Variants in NF1 observed in about 807,000 individuals in gnomAD.
The protein encoded by NF1 is neurofibromin 1, also known as neurofibromin.
In NF1, 122 loss-of-function variants were observed where a neutral mutation model predicts 325.7. The ratio of observed to expected loss-of-function variants is 0.37; its 90% CI spans 0.32 to 0.44. NF1 has a LOEUF of 0.44. Among genes scored for constraint, NF1 ranks in the 20% least tolerant of loss-of-function variants. The pLI, the probability that NF1 is intolerant of heterozygous loss-of-function variation, is 1.00. For missense variants in NF1, 2,140 were observed against 3,415.4 expected (o/e 0.63, Z 9.31); for synonymous variants, 1,091 against 1,186.0 (o/e 0.92, Z 1.65).
intron 57 of NF1, among the ~76,000 whole-genome samples, chr17:31,366,350 A>G (rs1230022067): frequency 6.6e-6 from 1 of 152,046 alleles, no homozygotes; most frequent in African/African-American, 2.4e-5. Context: ...GTTCATCGTT[A>G]CTTTAGACTC....
intron 52 of NF1, 142 bp from the exon 53 acceptor site, chr17:31,356,818 A>G: frequency 3.0e-6 from 4 of 1,326,250 alleles, no homozygotes; most frequent in Non-Finnish European, 4.2e-6. Flanking sequence ...TGTGTAGGCG[A>G]ATAGTAATTC....
chr17:31,189,531 G>T (rs1186285268), intron 8 of NF1, among the ~76,000 whole-genome samples: 1 of 151,966 alleles, frequency 6.6e-6, no homozygotes, highest in Non-Finnish European at 1.5e-5. Flanking sequence ...ATCACTCCCT[G>T]TTCCTCTCGC....
intron 48 of NF1, among the ~76,000 whole-genome samples, chr17:31,347,469 C>G (rs1031185093): frequency 6.6e-6 from 1 of 152,160 alleles, no homozygotes; most frequent in Non-Finnish European, 1.5e-5. Flanking sequence ...TTTTGTCATT[C>G]ATTATAACAT....
At chr17:31,241,242 T>C (rs1483616547) in intron 29 of NF1, among the ~76,000 whole-genome samples, 1 of 152,188 alleles carries the variant, frequency 6.6e-6, no homozygotes, top group Non-Finnish European at 1.5e-5. Flanking sequence ...GATGTCTGTT[T>C]CTTGTAGGCA....
At chr17:31,278,118 TA>T (rs2068042216) in intron 36 of NF1, 1 of 152,174 alleles carries the variant, frequency 6.6e-6, no homozygotes, top group African/African-American at 2.4e-5. Context: ...ACCTTGTCTC[TA>T]AAAAACAAAA....
intron 1 of NF1, among the ~76,000 whole-genome samples, chr17:31,143,968 C>A (rs1358979485): frequency 1.3e-5 from 2 of 151,924 alleles, no homozygotes; most frequent in Admixed American, 6.6e-5. Flanking sequence ...ACTACAGGCG[C>A]CTGCCACGAC....
Position 31,377,081 on chromosome 17 carries a change from C to T in NF1, c.*2926C>T, listed in dbSNP as rs1408513641. The T allele has an allele frequency of 8.6e-6, 2 of 233,628 alleles. No individual in the cohort carries two copies. The highest frequency in any genetic ancestry group is 1.2e-4 in the East Asian group (2 of 16,590). 14.5% of individuals were successfully genotyped at this position (233,628 alleles called of 1,614,324 possible). A position where few individuals can be genotyped will look rare whatever the true frequency, so the allele number is the denominator to read the frequency against. On this transcript the variant is annotated 3_prime_UTR_variant, in exon 58 of 58. Transcript: ENST00000358273. ...TTTTTGTTTTTTGTTTTTGTTTCTA[C>T]ATCCTTCCCCGACTCCCAGGCATAA...
At chr17:31,203,257 G>A (rs1299916426) in intron 11 of NF1, among the ~76,000 whole-genome samples, 1 of 152,072 alleles carries the variant, frequency 6.6e-6, no homozygotes, top group African/African-American at 2.4e-5. Context: ...CTGCATGTGT[G>A]GAGGGTGGAG....
chr17:31,225,305 G>A (rs2144028829), intron 17 of NF1, 55 bp downstream of exon 17: 2 of 1,595,024 alleles, frequency 1.3e-6, no homozygotes, highest in Non-Finnish European at 1.7e-6. Flanking sequence ...TTTGTTTTCT[G>A]AATGAAATTT....
intron 36 of NF1, among the ~76,000 whole-genome samples, chr17:31,287,395 C>T (rs1043746065): frequency 1.3e-5 from 2 of 152,214 alleles, no homozygotes; most frequent in Non-Finnish European, 2.9e-5. Flanking sequence ...AAAACACACA[C>T]CGTAGGTGAT....
Position 31,282,751 on chromosome 17 carries a change from C to T in NF1, c.4835+17412C>T, listed in dbSNP as rs868353829. ...TACAATATATAAGCGTTTGTGTGGACGTATGCATTCAGTTTTTTTAGATAC... is the reference window on the plus strand; with the variant it reads ...TACAATATATAAGCGTTTGTGTGGATGTATGCATTCAGTTTTTTTAGATAC... On this transcript the variant is annotated intron_variant, in intron 36 of 57. Transcript: ENST00000358273. Among the ~76,000 whole-genome samples, 5 of 152,172 alleles carry T rather than the reference C, an allele frequency of 3.3e-5. 1 individual carries two copies. The South Asian group carries it at 8.3e-4, about 25-fold the overall frequency.
chr17:31,338,739 C>G lies in NF1; in HGVS notation c.6855C>G (p.Tyr2285Ter), dbSNP rs772295894. The change falls in exon 46 of 58, where the codon TAC (tyrosine) becomes TAG (stop). Residue 2285 changes from tyrosine to a stop codon, truncating the protein, a stop_gained. Transcript: ENST00000358273. LOFTEE classifies it high-confidence loss of function. ...LESCLKGPDT[Y>*]NSQVLIEATV... ...GTTGCTTAAAAGGACCTGACACTTACAACAGTCAAGTTCTGATAGAAGCTA... is the reference window on the plus strand; with the variant it reads ...GTTGCTTAAAAGGACCTGACACTTAGAACAGTCAAGTTCTGATAGAAGCTA... 2 of 1,613,200 alleles carry G rather than the reference C, an allele frequency of 1.2e-6. No individual in the cohort carries two copies. Among genetic ancestry groups the G allele is most frequent in the South Asian group, 1.1e-5 (1 of 91,056 alleles).
intron 1 of NF1, among the ~76,000 whole-genome samples, chr17:31,126,505 G>C (rs17884014): frequency 6.6e-6 from 1 of 152,078 alleles, no homozygotes; most frequent in Non-Finnish European, 1.5e-5. Flanking sequence ...AAGTGCAATG[G>C]TGCAATCTTG....
intron 1 of NF1, among the ~76,000 whole-genome samples, chr17:31,143,426 C>G (rs907292610): frequency 6.6e-6 from 1 of 151,770 alleles, no homozygotes; most frequent in Non-Finnish European, 1.5e-5. Context: ...ACCACCACCC[C>G]CAGCTAATTT....
intron 29 of NF1, among the ~76,000 whole-genome samples, chr17:31,240,594 CTAG>C (rs2067279171): frequency 1.3e-5 from 2 of 152,044 alleles, no homozygotes; most frequent in South Asian, 4.2e-4. Context: ...CAGTATATAC[CTAG>C]TAGTGAGATT....
chr17:31,250,095 A>G (rs1377468885), intron 30 of NF1: 5 of 448,146 alleles, frequency 1.1e-5, no homozygotes, highest in Admixed American at 2.9e-5. Context: ...TTAAAGATGT[A>G]TCTGTTCTAT....
chr17:31,123,847 G>A (rs1024791826), intron 1 of NF1, among the ~76,000 whole-genome samples: 1 of 152,190 alleles, frequency 6.6e-6, no homozygotes, highest in Non-Finnish European at 1.5e-5. Flanking sequence ...ATAGTGGCAA[G>A]TAGCCTCCTA....
intron 17 of NF1, 78 bp downstream of exon 17, chr17:31,225,328 C>G (rs1455258875): frequency 6.7e-7 from 1 of 1,487,216 alleles, no homozygotes; most frequent in East Asian, 2.3e-5. Flanking sequence ...TAAATTTCAT[C>G]TAGGTAATAT....
At chr17:31,203,861 T>C (rs2066574675) in intron 11 of NF1, among the ~76,000 whole-genome samples, 1 of 152,138 alleles carries the variant, frequency 6.6e-6, no homozygotes, top group Non-Finnish European at 1.5e-5. Context: ...GTAAGGTGTT[T>C]GGAGTTCTAC....
Sources: gnomAD v4.1 joint callset for allele counts (sites outside exome capture counted in the v4.1 genomes callset) on GRCh38, gnomAD v4.1.1 for gene constraint, MANE v1.5 for transcripts, NCBI Gene and HGNC (gene_info 2026-07-23, HGNC 2026-07-21) for gene names.